TRIM43B: variants seen among roughly 807,000 people sequenced by gnomAD.
The protein encoded by TRIM43B is tripartite motif-containing protein 43B.
A neutral mutation model predicts 27.0 loss-of-function variants in TRIM43B; 15 were observed. The ratio of observed to expected loss-of-function variants is 0.55; its 90% CI spans 0.37 to 0.85. The LOEUF is 0.85. TRIM43B is among the 40% of genes least tolerant of loss of function. The pLI is 0.00. For missense variants in TRIM43B, 172 were observed against 289.8 expected (o/e 0.59, Z 2.95); for synonymous variants, 69 against 97.8 (o/e 0.71, Z 1.74).
intron 3 of TRIM43B, 133 bp from the exon 4 acceptor site, chr2:95,480,668 T>G: frequency 1.5e-6 from 1 of 669,248 alleles, no homozygotes; most frequent in Non-Finnish European, 2.6e-6. Flanking sequence ...AAGCAAGACC[T>G]TCCTTCAAAA....
At chr2:95,482,744 T>C in intron 1 of TRIM43B, 26 bp from the exon 2 acceptor site, 2 of 1,569,414 alleles carry the variant, frequency 1.3e-6, no homozygotes, top group Non-Finnish European at 1.7e-6. Context: ...CACAGGAATT[T>C]AATCTTCTAC....
exon 2 of TRIM43B, chr2:95,482,606 G>A (rs758238462): frequency 8.1e-6 from 13 of 1,613,414 alleles, no homozygotes; most frequent in South Asian, 6.6e-5. Context: ...CAGAGACAGG[G>A]CCTACAGAAG....
At chr2:95,482,078 G>A (rs1347652697) in intron 2 of TRIM43B, among the ~76,000 whole-genome samples, 1 of 150,826 alleles carries the variant, frequency 6.6e-6, no homozygotes, top group Non-Finnish European at 1.5e-5. Flanking sequence ...GCATTGAACT[G>A]TAGAGTCAAT....
exon 1 of TRIM43B, chr2:95,484,704 G>A (rs1683610016): frequency 6.6e-6 from 1 of 151,802 alleles, no homozygotes; most frequent in Non-Finnish European, 1.5e-5. Context: ...GTAGCTTTCG[G>A]AAGTCCCCAA....
intron 1 of TRIM43B, among the ~76,000 whole-genome samples, chr2:95,483,428 GACA>G (rs1683573888): frequency 7.6e-6 from 1 of 131,548 alleles, no homozygotes; most frequent in Non-Finnish European, 1.8e-5. Flanking sequence ...ATCTTTAAAA[GACA>G]GACAATTAAT....
intron 3 of TRIM43B, among the ~76,000 whole-genome samples, chr2:95,480,826 T>C (rs1652224035): frequency 6.6e-6 from 1 of 152,152 alleles, no homozygotes; most frequent in Middle Eastern, 3.2e-3. Context: ...TCTTTGTTAT[T>C]CACTTAGGTT....
chr2:95,482,823 A>G, intron 1 of TRIM43B, 105 bp from the exon 2 acceptor site: 2 of 1,526,830 alleles, frequency 1.3e-6, no homozygotes, highest in Non-Finnish European at 1.8e-6. Flanking sequence ...TTCTTTCTAA[A>G]GAAGTATAGG....
Position 95,480,536 on chromosome 2 carries a change from C to G in TRIM43B, c.508-1G>C, listed in dbSNP as rs780593902. The G allele has an allele frequency of 8.1e-6, 13 of 1,607,582 alleles. No homozygotes were observed. The East Asian group carries it at 2.0e-4, about 25-fold the overall frequency. ...TCTGTGCCCGTAAAACCACATCGCC[C>G]TGTAGGGATATGAATTTTGTAGGTT... On this transcript the variant is annotated splice_acceptor_variant, in intron 3 of 6. Coordinates refer to ENST00000639673, the Ensembl canonical transcript of TRIM43B. LOFTEE classifies it high-confidence loss of function.
In TRIM43B at chr2:95,483,684, CGG is replaced by C. The variant is rs1683578539; in HGVS notation, c.-5+920_-5+921del. Reference sequence around the variant, plus strand: ...CTACTAAAAAATACAAAAAATTAGCCGGGAGTGGTGGAGGACGCCTGTAGTCC... The same window carrying C: ...CTACTAAAAAATACAAAAAATTAGCCGAGTGGTGGAGGACGCCTGTAGTCC... On this transcript the variant is annotated intron_variant, in intron 1 of 6. Transcript: ENST00000639673. Among the ~76,000 whole-genome samples, 6 of 151,830 alleles carry C rather than the reference CGG, an allele frequency of 4.0e-5. No individual in the cohort carries two copies. The South Asian group carries it at 6.3e-4, about 16-fold the overall frequency.
chr2:95,482,688 G>A, exon 2 of TRIM43B: 1 of 1,613,710 alleles, frequency 6.2e-7, no homozygotes, highest in Non-Finnish European at 8.5e-7. Flanking sequence ...GTTCCTTCTG[G>A]AAGGCATGTG....
In TRIM43B at chr2:95,482,415, CTTTG is replaced by C. The variant is rs1321496528; in HGVS notation, c.296_299del (p.Thr99ArgfsTer42). 2.4e-5 allele frequency: 39 copies of C among 1,603,790 alleles called. No individual in the cohort carries two copies. Among genetic ancestry groups the C allele is most frequent in the Non-Finnish European group, 3.3e-5 (39 of 1,175,758 alleles). On this transcript the variant is annotated frameshift_variant, in exon 2 of 7. Transcript: ENST00000639673. LOFTEE classifies it high-confidence loss of function. The stretch of plus-strand genomic sequence containing the variant: ...TCTTGTCCATGTCACAGAACATCTT[CTTTG>C]TTTGCCTATGGGTCCCACATATTTG...
rs184011708 is a variant in TRIM43B, at chr2:95,483,417, C to A, written c.-4-699G>T. Among the ~76,000 whole-genome samples the A allele has an allele frequency of 6.0e-4, 90 of 151,218 alleles. 1 individual carries two copies. The highest frequency in any genetic ancestry group is 2.0e-3 in the African/African-American group (82 of 41,520). ...GGGGATATACTGGTTAATATTACAACATCTTTAAAAGACAGACAATTAATT... is the reference window on the plus strand; with the variant it reads ...GGGGATATACTGGTTAATATTACAAAATCTTTAAAAGACAGACAATTAATT... On this transcript the variant is annotated intron_variant, in intron 1 of 6. Coordinates refer to ENST00000639673, the Ensembl canonical transcript of TRIM43B.
rs200271419 is a variant in TRIM43B at position 95,482,463 on chromosome 2, T to C, written c.252A>G (p.Gln84=). The stretch of plus-strand genomic sequence containing the variant: ...ATATTTGTTTCTCAGAGCTCAGGAA[T>C]TGCCAGAGACTGGCTTTTCTGGCAA... Residue 84 remains glutamine (Q), a synonymous_variant, in exon 2 of 7, where the codon CAA becomes CAG. Coordinates refer to ENST00000639673, the Ensembl canonical transcript of TRIM43B. 2.6e-4 allele frequency: 424 copies of C among 1,604,196 alleles called. 3 individuals carry two copies. The East Asian group carries it at 8.9e-3, about 34-fold the overall frequency.
intron 1 of TRIM43B, among the ~76,000 whole-genome samples, chr2:95,484,023 T>C (rs1339190825): frequency 3.6e-5 from 5 of 139,410 alleles, no homozygotes; most frequent in South Asian, 2.2e-4. Context: ...GGTGACACGG[T>C]AAAATGTCTA....
intron 3 of TRIM43B, 135 bp downstream of exon 3, chr2:95,481,460 C>G: frequency 1.5e-6 from 1 of 652,188 alleles, no homozygotes; most frequent in East Asian, 2.9e-5. Context: ...GTTGAACAGT[C>G]TGGTTGTTTT....
chr2:95,483,039 CAA>C (rs1391395023), intron 1 of TRIM43B, among the ~76,000 whole-genome samples: 5 of 152,052 alleles, frequency 3.3e-5, no homozygotes, highest in Non-Finnish European at 7.4e-5. Flanking sequence ...CCTGTAAACT[CAA>C]AGTTTGAGTC....
chr2:95,482,007 AAT>A (rs1188960547), intron 2 of TRIM43B, among the ~76,000 whole-genome samples: 10 of 151,318 alleles, frequency 6.6e-5, no homozygotes, highest in African/African-American at 2.4e-4. Context: ...AGTAATATTA[AAT>A]ATATTTCCAA....
intron 2 of TRIM43B, 83 bp from the exon 3 acceptor site, chr2:95,481,773 A>G: frequency 7.0e-7 from 1 of 1,421,824 alleles, no homozygotes; most frequent in Non-Finnish European, 9.5e-7. Context: ...AAGGGATCTA[A>G]TATATAAATA....
intron 3 of TRIM43B, among the ~76,000 whole-genome samples, chr2:95,480,943 G>T (rs1683511012): frequency 6.6e-6 from 1 of 151,960 alleles, no homozygotes; most frequent in Non-Finnish European, 1.5e-5. Flanking sequence ...AAGGATCTTA[G>T]TAAAAAATTT....
Sources: allele counts gnomAD v4.1 joint callset (sites outside exome capture counted in the v4.1 genomes callset), GRCh38; gene constraint gnomAD v4.1.1; transcripts MANE v1.5; gene names NCBI Gene and HGNC (gene_info 2026-07-23, HGNC 2026-07-21).